OPRM1: variants seen among roughly 807,000 people sequenced by gnomAD.
The protein encoded by OPRM1 is opioid receptor mu 1, also known as mu-type opioid receptor.
A neutral mutation model predicts 31.8 loss-of-function variants in OPRM1; 27 were observed. That is an observed-to-expected ratio of 0.85 (90% confidence interval 0.63 to 1.17). The LOEUF is 1.17. Ranked by LOEUF, OPRM1 falls within the 50% of genes most tolerant of loss-of-function variation. The pLI is 0.00. For synonymous variants in OPRM1, 196 were observed against 189.9 expected (o/e 1.03, Z -0.26); for missense variants, 536 against 511.1 (o/e 1.05, Z -0.47).
intron 1 of OPRM1, among the ~76,000 whole-genome samples, chr6:154,068,026 G>A (rs368116464): frequency 4.6e-5 from 7 of 152,026 alleles, no homozygotes; most frequent in Admixed American, 1.3e-4. Flanking sequence ...ATTGTCTACT[G>A]TACTTTCCTT....
intron 1 of OPRM1, among the ~76,000 whole-genome samples, chr6:154,018,826 C>T (rs1196506222): frequency 6.6e-6 from 1 of 152,152 alleles, no homozygotes; most frequent in Non-Finnish European, 1.5e-5. Flanking sequence ...TCCTTATATC[C>T]AGCATTAGAC....
intron 1 of OPRM1, among the ~76,000 whole-genome samples, chr6:154,015,056 A>G (rs1399345801): frequency 6.6e-6 from 1 of 152,144 alleles, no homozygotes; most frequent in Non-Finnish European, 1.5e-5. Flanking sequence ...AAATGAAAAG[A>G]TATGCCATTA....
At chr6:154,178,919 A>C (rs1314021211) in intron 3 of OPRM1, among the ~76,000 whole-genome samples, 1 of 152,212 alleles carries the variant, frequency 6.6e-6, no homozygotes, top group Non-Finnish European at 1.5e-5. Context: ...ATAAAACAGT[A>C]AAATAATAAA....
At chr6:154,078,642 GGGAGGACCACTT>G (rs991229972) in intron 1 of OPRM1, among the ~76,000 whole-genome samples, 2 of 152,214 alleles carry the variant, frequency 1.3e-5, no homozygotes, top group Non-Finnish European at 2.9e-5. Context: ...AGGCCAAGGA[GGGAGGACCACTT>G]GAGCACAGGA....
chr6:154,144,826 G>GA (rs1366821456), intron 3 of OPRM1, among the ~76,000 whole-genome samples: 3 of 148,448 alleles, frequency 2.0e-5, no homozygotes, highest in African/African-American at 7.4e-5. Context: ...AGGCTGGTTT[G>GA]ATACTCAAAA....
chr6:154,044,667 TTAAA>T (rs1780753360), intron 1 of OPRM1, among the ~76,000 whole-genome samples: 1 of 152,162 alleles, frequency 6.6e-6, no homozygotes, highest in South Asian at 2.1e-4. Context: ...GTTAATAAAT[TTAAA>T]TAAAGCATAA....
chr6:154,026,218 A>AT (rs534786854), intron 1 of OPRM1, among the ~76,000 whole-genome samples: 30 of 144,844 alleles, frequency 2.1e-4, no homozygotes, highest in Admixed American at 5.4e-4. Context: ...AATAGGGTAA[A>AT]TTTTTTTTTT....
At chr6:154,040,606 G>T (rs1779860937) in intron 1 of OPRM1, among the ~76,000 whole-genome samples, 1 of 152,150 alleles carries the variant, frequency 6.6e-6, no homozygotes, top group Admixed American at 6.5e-5. Context: ...GAGAACCGCA[G>T]GACATGGCTG....
At chr6:154,056,452 AT>A (rs1336335561) in intron 1 of OPRM1, among the ~76,000 whole-genome samples, 2 of 151,942 alleles carry the variant, frequency 1.3e-5, no homozygotes, top group Non-Finnish European at 2.9e-5. Flanking sequence ...TGAAGGACAC[AT>A]TAATGACGAT....
intron 3 of OPRM1, among the ~76,000 whole-genome samples, chr6:154,245,542 T>A (rs557860282): frequency 6.6e-6 from 1 of 152,246 alleles, no homozygotes; most frequent in Non-Finnish European, 1.5e-5. Context: ...ACAAACAATA[T>A]GCAGTACTTA....
intron 1 of OPRM1, among the ~76,000 whole-genome samples, chr6:154,061,083 C>T (rs542458004): frequency 2.6e-5 from 4 of 152,238 alleles, no homozygotes; most frequent in Admixed American, 2.0e-4. Context: ...AGATACATGG[C>T]AGGCTAATTG....
At chr6:154,052,615 G>A (rs1215183584) in intron 1 of OPRM1, among the ~76,000 whole-genome samples, 1 of 152,210 alleles carries the variant, frequency 6.6e-6, no homozygotes, top group Non-Finnish European at 1.5e-5. Flanking sequence ...ACAGAAAGAA[G>A]TGGTAGGCTG....
intron 3 of OPRM1, chr6:154,246,553 T>G (rs750140444): frequency 2.5e-6 from 4 of 1,579,774 alleles, no homozygotes; most frequent in Non-Finnish European, 3.4e-6. Context: ...TATCCCTCAT[T>G]AAAACGGCTG....
intron 3 of OPRM1, chr6:154,154,542 G>A (rs550180744): frequency 6.6e-6 from 1 of 152,202 alleles, no homozygotes; most frequent in Non-Finnish European, 1.5e-5. Context: ...AACAAGTCTA[G>A]AAGCGATTTT....
At chr6:154,222,389 C>T (rs1320614419) in intron 3 of OPRM1, among the ~76,000 whole-genome samples, 3 of 152,216 alleles carry the variant, frequency 2.0e-5, no homozygotes, top group African/African-American at 7.2e-5. Flanking sequence ...GAAAACTACT[C>T]AATTGCTGCA....
chr6:154,085,962 C>T (rs897932265), intron 1 of OPRM1, among the ~76,000 whole-genome samples: 7 of 146,522 alleles, frequency 4.8e-5, no homozygotes, highest in Non-Finnish European at 8.9e-5. Context: ...ATTCTCCTGC[C>T]TCAGCCTCCC....
At chr6:154,137,970 A>G (rs903601591) in intron 3 of OPRM1, among the ~76,000 whole-genome samples, 4 of 152,230 alleles carry the variant, frequency 2.6e-5, no homozygotes, top group African/African-American at 9.6e-5. Flanking sequence ...TCCAACTAAC[A>G]TGGGGCATAA....
intron 1 of OPRM1, among the ~76,000 whole-genome samples, chr6:154,077,333 G>T (rs1788072448): frequency 6.6e-6 from 1 of 151,824 alleles, no homozygotes; most frequent in Non-Finnish European, 1.5e-5. Context: ...CGCCAGGCTG[G>T]TCTCAAACTC....
At chr6:154,041,512 G>C (rs752627918) in intron 1 of OPRM1, among the ~76,000 whole-genome samples, 1 of 152,006 alleles carries the variant, frequency 6.6e-6, no homozygotes, top group Non-Finnish European at 1.5e-5. Context: ...CAAGCTAGAA[G>C]GGACTCTAGA....
Sources: gnomAD v4.1 joint callset for allele counts (sites outside exome capture counted in the v4.1 genomes callset) on GRCh38, gnomAD v4.1.1 for gene constraint, MANE v1.5 for transcripts, NCBI Gene and HGNC (gene_info 2026-07-23, HGNC 2026-07-21) for gene names.